Variants in BID observed in about 807,000 individuals in gnomAD.
BID encodes the protein BH3 interacting domain death agonist.
In BID, 19 loss-of-function variants were observed where a neutral mutation model predicts 17.4. The observed-to-expected ratio is 1.09, with a 90% CI of 0.76 to 1.60. The LOEUF is 1.60. Among genes scored for constraint, BID ranks in the 40% most tolerant of loss-of-function variants. BID has a pLI of 0.00. For synonymous variants in BID, 108 were observed against 102.8 expected (o/e 1.05, Z -0.31); for missense variants, 226 against 256.0 (o/e 0.88, Z 0.80).
intron 3 of BID, 118 bp from the exon 4 acceptor site, chr22:17,739,606 C>A: frequency 2.2e-6 from 3 of 1,350,614 alleles, no homozygotes; most frequent in Non-Finnish European, 3.0e-6. Flanking sequence ...GGCCAGCCCC[C>A]ACTGGGCACG....
chr22:17,737,892 C>T (rs755831103), intron 5 of BID, 125 bp downstream of exon 5: 64 of 1,032,318 alleles, frequency 6.2e-5, no homozygotes, highest in Non-Finnish European at 9.1e-5. Flanking sequence ...AAACCAAACC[C>T]GAGCAGGACA....
At chr22:17,755,961 G>A (rs1022801538) in intron 1 of BID, among the ~76,000 whole-genome samples, 1 of 152,070 alleles carries the variant, frequency 6.6e-6, no homozygotes, top group African/African-American at 2.4e-5. Flanking sequence ...TCTGCCTTCT[G>A]GGTTCAAGCA....
intron 5 of BID, among the ~76,000 whole-genome samples, chr22:17,736,864 C>T (rs8190348): frequency 0.05 from 7,563 of 151,624 alleles, 493 homozygotes; most frequent in African/African-American, 0.14. Flanking sequence ...AGTGCAGTGG[C>T]GTGATTGCGG....
At chr22:17,763,849 T>C (rs778440908) in intron 1 of BID, among the ~76,000 whole-genome samples, 1 of 151,598 alleles carries the variant, frequency 6.6e-6, no homozygotes, top group Admixed American at 6.6e-5. Flanking sequence ...AAATGCTTAC[T>C]CTTTTTAAAC....
At chr22:17,764,141 C>T (rs1309080259) in intron 1 of BID, 1 of 154,626 alleles carries the variant, frequency 6.5e-6, no homozygotes, top group Non-Finnish European at 1.5e-5. Context: ...GCCAGCGGAC[C>T]ATGGGCAAGT....
chr22:17,756,807 C>T (rs1250345081), intron 1 of BID, among the ~76,000 whole-genome samples: 1 of 151,906 alleles, frequency 6.6e-6, no homozygotes, highest in Non-Finnish European at 1.5e-5. Flanking sequence ...AACTCCTGAC[C>T]TTGCGATCCG....
chr22:17,743,880 G>A lies in BID; in HGVS notation c.146C>T (p.Pro49Leu), dbSNP rs1284609688. Residue 49 changes from proline (P) to leucine (L), a missense_variant, in exon 3 of 6, where the codon CCC becomes CTC. Transcript: ENST00000622694. ...CAGCTCATCGTAGCCCTCCCACTGG[G>A]GAGCCAGCACTGGCAGCTCGTGGCC... ...ALGHELPVLA[P>L]QWEGYDELQT... is the part of the protein sequence containing the mutation. 6.2e-7 allele frequency: 1 copy of A among 1,613,536 alleles called. No homozygotes were observed.
At chr22:17,742,086 A>AGCCG (rs2061463379) in intron 3 of BID, among the ~76,000 whole-genome samples, 1 of 152,340 alleles carries the variant, frequency 6.6e-6, no homozygotes, top group African/African-American at 2.4e-5. Context: ...GTCTGTGTCC[A>AGCCG]GCCGAGTGAA....
At chr22:17,737,065 A>AT (rs2061425409) in intron 5 of BID, among the ~76,000 whole-genome samples, 1 of 152,062 alleles carries the variant, frequency 6.6e-6, no homozygotes, top group African/African-American at 2.4e-5. Flanking sequence ...TTGGCCTCCC[A>AT]AAGTGCTGGG....
intron 2 of BID, among the ~76,000 whole-genome samples, chr22:17,748,425 C>A (rs148863371): frequency 0.033 from 4,435 of 135,392 alleles, 98 homozygotes; most frequent in African/African-American, 0.077. Context: ...GGAGAATGGC[C>A]TGAACCCGGG....
intron 5 of BID, 125 bp downstream of exon 5, chr22:17,737,892 C>G (rs755831103): frequency 2.9e-6 from 3 of 1,032,436 alleles, no homozygotes; most frequent in Non-Finnish European, 4.4e-6. Flanking sequence ...AAACCAAACC[C>G]GAGCAGGACA....
intron 2 of BID, 39 bp downstream of exon 2, chr22:17,750,066 G>A (rs757841169): frequency 3.1e-6 from 5 of 1,597,794 alleles, no homozygotes; most frequent in Non-Finnish European, 4.3e-6. Context: ...CCTCGACCCC[G>A]CCCCCCACAA....
chr22:17,741,676 C>G (rs1489600921), intron 3 of BID, among the ~76,000 whole-genome samples: 2 of 152,026 alleles, frequency 1.3e-5, no homozygotes, highest in Non-Finnish European at 2.9e-5. Flanking sequence ...CGGGGTTTCA[C>G]CATCTTGGCT....
At chr22:17,771,932 G>A (rs1317293614) in intron 1 of BID, among the ~76,000 whole-genome samples, 1 of 152,222 alleles carries the variant, frequency 6.6e-6, no homozygotes, top group Non-Finnish European at 1.5e-5. Context: ...CGAGGCCACA[G>A]AAAGGCTCCT....
At chr22:17,759,349 A>AG (rs1369401203) in intron 1 of BID, among the ~76,000 whole-genome samples, 1 of 152,000 alleles carries the variant, frequency 6.6e-6, no homozygotes, top group Non-Finnish European at 1.5e-5. Context: ...ACTTGAGGTC[A>AG]GGTGTTCAAG....
At chr22:17,739,219 C>T (rs5992809) in intron 4 of BID, 130 bp downstream of exon 4, 154,773 of 1,229,078 alleles carry the variant, frequency 0.13, 10,564 homozygotes, top group Non-Finnish European at 0.14. Context: ...CCAGTTACTT[C>T]GTCAGAGTTC....
intron 5 of BID, 88 bp from the exon 6 acceptor site, chr22:17,735,679 T>TG (rs1435924550): frequency 6.2e-5 from 95 of 1,534,180 alleles, no homozygotes; most frequent in Non-Finnish European, 8.4e-5. Context: ...AGAGCAAAGC[T>TG]GGGGTTTATG....
chr22:17,736,069 A>G (rs1167750412), intron 5 of BID, among the ~76,000 whole-genome samples: 1 of 152,216 alleles, frequency 6.6e-6, no homozygotes, highest in Non-Finnish European at 1.5e-5. Context: ...AGACCACAGC[A>G]TATAAGGAAT....
chr22:17,743,680 G>T, intron 3 of BID, 123 bp downstream of exon 3: 1 of 968,880 alleles, frequency 1.0e-6, no homozygotes, highest in Non-Finnish European at 1.5e-6. Flanking sequence ...ACCAGCGTAC[G>T]TGGCAGCTGA....
Sources: gnomAD v4.1 joint callset for allele counts (sites outside exome capture counted in the v4.1 genomes callset) on GRCh38, gnomAD v4.1.1 for gene constraint, MANE v1.5 for transcripts, NCBI Gene and HGNC (gene_info 2026-07-23, HGNC 2026-07-21) for gene names.